The following CAV1 variants were observed in gnomAD, a reference collection of about 807,000 sequenced individuals.
CAV1 encodes caveolin 1.
In CAV1, 10 loss-of-function variants were observed where a neutral mutation model predicts 16.5. The observed-to-expected ratio is 0.61, with a 90% confidence interval of 0.37 to 1.03. CAV1 has a LOEUF of 1.03. Among genes scored for constraint, CAV1 ranks in the 50% least tolerant of loss-of-function variants. CAV1 has a pLI of 0.01. For synonymous variants in CAV1, 76 were observed against 85.1 expected, an observed-to-expected ratio of 0.89 and a Z score of 0.59; for missense variants, 212 against 232.8, an observed-to-expected ratio of 0.91 and a Z score of 0.58.
At chr7:116,557,025 A>G (rs1794307045) in intron 2 of CAV1, among the ~76,000 whole-genome samples, 1 of 152,220 alleles carries the variant, frequency 6.6e-6, no homozygotes, top group Non-Finnish European at 1.5e-5. Flanking sequence ...CATAATAGAC[A>G]AATAATTTGC....
At chr7:116,525,014 C>T (rs548665630), upstream of CAV1, 247 of 1,609,150 alleles carry the variant, frequency 1.5e-4, 5 homozygotes, top group South Asian at 2.4e-3. Flanking sequence ...TCCCTTAAAG[C>T]ACAGCCCAGG....
intron 2 of CAV1, among the ~76,000 whole-genome samples, chr7:116,539,346 C>A (rs1043235710): frequency 2.6e-5 from 4 of 152,164 alleles, no homozygotes; most frequent in Non-Finnish European, 2.9e-5. Flanking sequence ...AGCAATGGCA[C>A]CCTCACTTCT....
intron 2 of CAV1, among the ~76,000 whole-genome samples, chr7:116,529,142 T>G (rs1370027065): frequency 1.3e-5 from 2 of 152,160 alleles, no homozygotes; most frequent in Non-Finnish European, 2.9e-5. Context: ...CAACACAGAC[T>G]TCTTAAAAAA....
chr7:116,540,274 G>T (rs902274542), intron 2 of CAV1, among the ~76,000 whole-genome samples: 3 of 152,168 alleles, frequency 2.0e-5, no homozygotes, highest in African/African-American at 7.2e-5. Flanking sequence ...GACTCTGAAA[G>T]AGTCAGACAC....
chr7:116,530,917 GA>G (rs1234229359), intron 2 of CAV1, among the ~76,000 whole-genome samples: 1 of 152,182 alleles, frequency 6.6e-6, no homozygotes, highest in Non-Finnish European at 1.5e-5. Flanking sequence ...AGAAGGTAAT[GA>G]AAAGTAGCCA....
intron 2 of CAV1, among the ~76,000 whole-genome samples, chr7:116,531,340 T>C (rs1793682426): frequency 6.6e-6 from 1 of 152,222 alleles, no homozygotes; most frequent in Non-Finnish European, 1.5e-5. Context: ...CATTCATAAC[T>C]TGCTTTTCTA....
In CAV1 at chr7:116,555,600, GAAA is replaced by G. The variant is rs1562838320; in HGVS notation, c.196-3345_196-3343del. Among the ~76,000 whole-genome samples, 63 of 82,188 alleles carry G rather than the reference GAAA, an allele frequency of 7.7e-4. 3 individuals carry two copies. Among genetic ancestry groups the G allele is most frequent in the Middle Eastern group, 8.8e-3 (1 of 114 alleles). 53.9% of individuals were successfully genotyped at this position (82,188 alleles called of 152,430 possible). A position where few individuals can be genotyped will look rare whatever the true frequency, so the allele number is the denominator to read the frequency against. ...AGAAAGAAAGAAAGAAAGAAAGAAA[GAAA>G]GAGAAAGAAAGAAAGAAGGGAGGGA... On this transcript the variant is annotated intron_variant, in intron 2 of 2. Coordinates refer to ENST00000341049, the MANE Select transcript of CAV1 (RefSeq NM_001753.5).
At chr7:116,526,234 C>G (rs1235829774) in intron 1 of CAV1, 3 of 1,080,542 alleles carry the variant, frequency 2.8e-6, no homozygotes, top group African/African-American at 1.7e-5. Flanking sequence ...GCCTTCGGAC[C>G]GCGCGGCGGG....
Position 116,559,615 on chromosome 7 carries a change from A to G in CAV1, c.*328A>G, listed in dbSNP as rs34123906. 7.5e-3 allele frequency: 1,340 copies of G among 178,112 alleles called. No homozygotes were observed. Among genetic ancestry groups the G allele is most frequent in the East Asian group, 0.037 (326 of 8,700 alleles). The allele number at this position is 178,112 out of a possible 1,614,324, so 11.0% of individuals were successfully genotyped here. Reference sequence around the variant, plus strand: ...AGAGAAATATGAAGAACTGAGGAGGAAAAAAAAAAAAAAGAAAAGAACCAA... The same window carrying G: ...AGAGAAATATGAAGAACTGAGGAGGGAAAAAAAAAAAAAGAAAAGAACCAA... On this transcript the variant is annotated 3_prime_UTR_variant, in exon 3 of 3. Coordinates refer to ENST00000341049, the MANE Select transcript of CAV1 (RefSeq NM_001753.5).
intron 2 of CAV1, among the ~76,000 whole-genome samples, chr7:116,538,447 A>G (rs200659223): frequency 6.6e-6 from 1 of 152,216 alleles, no homozygotes; most frequent in African/African-American, 2.4e-5. Context: ...AAATGGGCAT[A>G]CCAAAATATG....
chr7:116,543,491 T>C (rs1793978743), intron 2 of CAV1, among the ~76,000 whole-genome samples: 1 of 152,250 alleles, frequency 6.6e-6, no homozygotes, highest in Non-Finnish European at 1.5e-5. Context: ...CCCATTCTGA[T>C]CTGGGCTCAG....
chr7:116,543,990 T>C (rs1346349923), intron 2 of CAV1, among the ~76,000 whole-genome samples: 3 of 152,180 alleles, frequency 2.0e-5, no homozygotes, highest in Non-Finnish European at 4.4e-5. Context: ...GGCCCCTGCA[T>C]GATTTTAATT....
chr7:116,546,376 C>T (rs537494686), intron 2 of CAV1, among the ~76,000 whole-genome samples: 47 of 152,086 alleles, frequency 3.1e-4, no homozygotes, highest in East Asian at 2.5e-3. Context: ...TTTTAGATTC[C>T]GATGTGGGAA....
intron 2 of CAV1, among the ~76,000 whole-genome samples, chr7:116,532,831 A>C (rs768772615): frequency 6.6e-6 from 1 of 152,192 alleles, no homozygotes; most frequent in Non-Finnish European, 1.5e-5. Flanking sequence ...AGTCAGGAAA[A>C]GGCATGCATG....
At chr7:116,531,023 C>T (rs1461193142) in intron 2 of CAV1, among the ~76,000 whole-genome samples, 2 of 152,174 alleles carry the variant, frequency 1.3e-5, no homozygotes. Context: ...TCGAAACATA[C>T]ATGCACAAAA....
intron 2 of CAV1, among the ~76,000 whole-genome samples, chr7:116,546,702 A>AAAAAAAATAAAAATAAAT (rs1554356428): frequency 4.2e-5 from 6 of 142,952 alleles, no homozygotes; most frequent in Non-Finnish European, 7.6e-5. Flanking sequence ...TGTCACAAAA[A>AAAAAAAATAAAAATAAAT]AAAAAAAAAA....
chr7:116,530,964 C>T (rs917426059), intron 2 of CAV1, among the ~76,000 whole-genome samples: 18 of 152,144 alleles, frequency 1.2e-4, no homozygotes, highest in South Asian at 2.1e-4. Context: ...GATGTAATTG[C>T]ATCATGGTCC....
intron 2 of CAV1, among the ~76,000 whole-genome samples, chr7:116,545,762 G>A (rs967721994): frequency 2.0e-5 from 3 of 152,166 alleles, no homozygotes; most frequent in African/African-American, 7.2e-5. Context: ...AGACATTTCC[G>A]TTTCTTGTGT....
chr7:116,545,396 A>G (rs1002764600), intron 2 of CAV1, among the ~76,000 whole-genome samples: 14 of 152,212 alleles, frequency 9.2e-5, no homozygotes, highest in African/African-American at 3.4e-4. Flanking sequence ...CACATTATAC[A>G]GTGTATCAAA....
Sources: gnomAD v4.1 joint callset for allele counts (sites outside exome capture counted in the v4.1 genomes callset) on GRCh38, gnomAD v4.1.1 for gene constraint, MANE v1.5 for transcripts, NCBI Gene and HGNC (gene_info 2026-07-23, HGNC 2026-07-21) for gene names.